STEEP1: variants seen among roughly 807,000 people sequenced by gnomAD.
STEEP1 encodes STING ER exit protein.
A neutral mutation model predicts 19.2 loss-of-function variants in STEEP1; 3 were observed. That is an observed-to-expected ratio of 0.16 (90% confidence interval 0.07 to 0.40). The LOEUF is 0.40. Ranked by LOEUF, STEEP1 falls within the 10% of genes least tolerant of loss-of-function variation. The pLI, the probability that STEEP1 is intolerant of heterozygous loss-of-function variation, is 0.99. For missense variants in STEEP1, 54 were observed against 177.1 expected, an observed-to-expected ratio of 0.30 and a Z score of 3.94; for synonymous variants, 46 against 63.7, an observed-to-expected ratio of 0.72 and a Z score of 1.32.
rs139195243 is a variant in STEEP1, at chrX:119,553,067, T to C, written c.242+7201A>G. On this transcript the variant is annotated intron_variant, in intron 2 of 6. Coordinates refer to ENST00000644802, the MANE Select transcript of STEEP1 (RefSeq NM_022101.4). Reference sequence around the variant, plus strand: ...TACTCAGGAGGCTGAGGTGGAAGAATTACTTGAACCTGGGAGGCGGAGGTT... The same window carrying C: ...TACTCAGGAGGCTGAGGTGGAAGAACTACTTGAACCTGGGAGGCGGAGGTT... Among the ~76,000 whole-genome samples the C allele has an allele frequency of 4.8e-3, 518 of 108,002 alleles. 4 individuals are homozygous for C. The highest frequency in any genetic ancestry group is 0.017 in the African/African-American group (500 of 29,657). 93.8% of individuals were successfully genotyped at this position (108,002 alleles called of 115,157 possible).
intron 1 of STEEP1, among the ~76,000 whole-genome samples, chrX:119,561,684 A>C (rs1465120670): frequency 1.9e-5 from 2 of 107,908 alleles, no homozygotes; most frequent in Non-Finnish European, 3.8e-5. Context: ...AGAAAAAAAA[A>C]AGAAAAAAAA....
chrX:119,540,379 A>C (rs2053154810), intron 6 of STEEP1, among the ~76,000 whole-genome samples: 1 of 111,733 alleles, frequency 8.9e-6, no homozygotes, highest in Admixed American at 9.6e-5. Flanking sequence ...AAAGGTTGAG[A>C]AGCACTGTTC....
intron 3 of STEEP1, 75 bp downstream of exon 3, chrX:119,545,388 C>A: frequency 1.5e-6 from 1 of 662,244 alleles, no homozygotes; most frequent in South Asian, 2.3e-5. Context: ...AGAGTTGTAT[C>A]CAAATAATTA....
chrX:119,559,996 C>T (rs891463540), intron 2 of STEEP1, among the ~76,000 whole-genome samples: 3 of 111,682 alleles, frequency 2.7e-5, no homozygotes, highest in African/African-American at 6.5e-5. Flanking sequence ...TTGCGGTAAG[C>T]CGAGGTCACA....
At chrX:119,564,751 G>A in intron 1 of STEEP1, among the ~76,000 whole-genome samples, 1 of 111,172 alleles carries the variant, frequency 9.0e-6, no homozygotes, top group Non-Finnish European at 1.9e-5. Flanking sequence ...AGGATGCAGA[G>A]ACAGCCAATA....
Position 119,560,253 on chromosome X carries a change from G to A in STEEP1, c.242+15C>T, listed in dbSNP as rs755125676. The A allele has an allele frequency of 9.3e-7, 1 of 1,080,679 alleles. No homozygotes were observed. The highest frequency in any genetic ancestry group is 1.3e-6 in the Non-Finnish European group (1 of 776,398). 89.1% of individuals were successfully genotyped at this position (1,080,679 alleles called of 1,213,427 possible). On this transcript the variant is annotated intron_variant, in intron 2 of 6. Coordinates refer to ENST00000644802, the MANE Select transcript of STEEP1 (RefSeq NM_022101.4). ...ACAATAGGGAAATCCTAAACAGGGA[G>A]CATCAACCTCTTACCTCCGCAGATA...
chrX:119,557,169 A>AAAAAAAG (rs1422611693), intron 2 of STEEP1, among the ~76,000 whole-genome samples: 3 of 105,364 alleles, frequency 2.8e-5, no homozygotes, highest in Non-Finnish European at 3.9e-5. Context: ...AAAAAAAAAA[A>AAAAAAAG]AAAAGAAAAG....
Position 119,560,636 on chromosome X carries a change from C to T in STEEP1, c.125-251G>A, listed in dbSNP as rs772733610. Reference sequence around the variant, plus strand: ...GGCAAATCACTTCCTCCTTTGGAGACTTTTGCCTCATTTGAAAGATGAGTT... The same window carrying T: ...GGCAAATCACTTCCTCCTTTGGAGATTTTTGCCTCATTTGAAAGATGAGTT... On this transcript the variant is annotated intron_variant, in intron 1 of 6. Transcript: ENST00000644802. Among the ~76,000 whole-genome samples, 147 of 112,136 alleles carry T rather than the reference C, an allele frequency of 1.3e-3. 1 individual carries two copies. Among genetic ancestry groups the T allele is most frequent in the African/African-American group, 4.6e-3 (142 of 30,906 alleles).
At chrX:119,552,185 A>C (rs1345912299) in intron 2 of STEEP1, among the ~76,000 whole-genome samples, 1 of 111,313 alleles carries the variant, frequency 9.0e-6, no homozygotes, top group Non-Finnish European at 1.9e-5. Context: ...AAGCCACCGC[A>C]CCTGGCTGCC....
At position 119,539,054 on chromosome X, in the gene STEEP1, A is replaced by C. The variant is rs1331716024; in HGVS notation, c.*673T>G. ...ATGACACACCATAATATTTTGTCCA[A>C]AAATCTTGCAACATGTTATTAACTT... On this transcript the variant is annotated 3_prime_UTR_variant, in exon 7 of 7. Coordinates refer to ENST00000644802, the MANE Select transcript of STEEP1 (RefSeq NM_022101.4). The C allele has an allele frequency of 8.9e-6, 1 of 111,806 alleles. No individual in the cohort carries two copies. Among genetic ancestry groups the C allele is most frequent in the Non-Finnish European group, 1.9e-5 (1 of 53,173 alleles). 9.2% of individuals were successfully genotyped at this position (111,806 alleles called of 1,213,427 possible). A position where few individuals can be genotyped will look rare whatever the true frequency, so the allele number is the denominator to read the frequency against.
intron 2 of STEEP1, among the ~76,000 whole-genome samples, chrX:119,549,123 C>T (rs746608476): frequency 2.7e-5 from 3 of 111,281 alleles, no homozygotes; most frequent in African/African-American, 6.5e-5. Context: ...GTTTCTGTTG[C>T]GCAAGATGAG....
At chrX:119,546,823 C>T (rs757188062) in intron 2 of STEEP1, among the ~76,000 whole-genome samples, 4 of 111,782 alleles carry the variant, frequency 3.6e-5, no homozygotes, top group African/African-American at 1.3e-4. Flanking sequence ...CTTGTCTCCA[C>T]GTTCCTGCCA....
At chrX:119,545,591 C>A (rs1403935418) in intron 2 of STEEP1, 87 bp from the exon 3 acceptor site, 3 of 668,103 alleles carry the variant, frequency 4.5e-6, no homozygotes, top group South Asian at 4.5e-5. Flanking sequence ...CGCTAAGAGG[C>A]CCTTTCAAAA....
chrX:119,553,028 C>T (rs2053254068), intron 2 of STEEP1, among the ~76,000 whole-genome samples: 1 of 109,554 alleles, frequency 9.1e-6, no homozygotes, highest in Non-Finnish European at 1.9e-5. Context: ...ATGGCGGGTG[C>T]CTGTAATCCC....
At chrX:119,546,193 C>G (rs1346379647) in intron 2 of STEEP1, among the ~76,000 whole-genome samples, 29 of 111,195 alleles carry the variant, frequency 2.6e-4, no homozygotes, top group African/African-American at 8.2e-4. Context: ...GCAATCCTAG[C>G]ACTTTGGGAG....
In STEEP1 at chrX:119,545,368, GAC is replaced by G. The variant is rs1467774981; in HGVS notation, c.284+93_284+94del. Reference sequence around the variant, plus strand: ...ACTCTGTCTCAAAAAAAAAAAAAAAGACATAATGGAGAGTTGTATCCAAATAA... The same window carrying G: ...ACTCTGTCTCAAAAAAAAAAAAAAAGATAATGGAGAGTTGTATCCAAATAA... On this transcript the variant is annotated intron_variant, in intron 3 of 6. Coordinates refer to ENST00000644802, the MANE Select transcript of STEEP1 (RefSeq NM_022101.4). 134 of 442,127 alleles carry G rather than the reference GAC, an allele frequency of 3.0e-4. No homozygotes were observed. The African/African-American group carries it at 3.1e-3, about 10-fold the overall frequency. 36.4% of individuals were successfully genotyped at this position (442,127 alleles called of 1,213,427 possible).
Position 119,558,493 on chromosome X carries a change from C to T in STEEP1, c.242+1775G>A, listed in dbSNP as rs531937071. On this transcript the variant is annotated intron_variant, in intron 2 of 6. Transcript: ENST00000644802. ...CAGAGCTTGCAGTGAGCCGAGATCG[C>T]GCCACTGTACTCCAGCCTGGGTGAC... Among the ~76,000 whole-genome samples, 9 of 111,378 alleles carry T rather than the reference C, an allele frequency of 8.1e-5. No individual in the cohort carries two copies. The South Asian group carries it at 2.6e-3, about 33-fold the overall frequency.
At chrX:119,559,767 G>T (rs2053308390) in intron 2 of STEEP1, among the ~76,000 whole-genome samples, 1 of 112,378 alleles carries the variant, frequency 8.9e-6, no homozygotes, top group Admixed American at 9.5e-5. Context: ...GCAATGGAGG[G>T]GCCGGGCACA....
chrX:119,558,750 G>C lies in STEEP1; in HGVS notation c.242+1518C>G, dbSNP rs985875648. 1.7e-4 allele frequency among the ~76,000 whole-genome samples: 19 copies of C among 110,874 alleles called. 1 individual carries two copies. The highest frequency in any genetic ancestry group is 1.4e-3 in the East Asian group (5 of 3,497). Reference sequence around the variant, plus strand: ...TTCTTGATACTCTCTCCTATTTTCTGCATCACCAGGTTCTTCTGGTTCTGT... The same window carrying C: ...TTCTTGATACTCTCTCCTATTTTCTCCATCACCAGGTTCTTCTGGTTCTGT... On this transcript the variant is annotated intron_variant, in intron 2 of 6. Transcript: ENST00000644802.
Sources: allele counts gnomAD v4.1 joint callset (sites outside exome capture counted in the v4.1 genomes callset), GRCh38; gene constraint gnomAD v4.1.1; transcripts MANE v1.5; gene names NCBI Gene and HGNC (gene_info 2026-07-23, HGNC 2026-07-21).